POU1F1: variants seen among roughly 807,000 people sequenced by gnomAD.
POU1F1 encodes pituitary-specific positive transcription factor 1.
A neutral mutation model predicts 32.3 loss-of-function variants in POU1F1; 23 were observed. The ratio of observed to expected loss-of-function variants is 0.71; its 90% CI spans 0.51 to 1.01. POU1F1 has a LOEUF of 1.01. Among genes scored for constraint, POU1F1 ranks in the 50% least tolerant of loss-of-function variants. The probability of loss-of-function intolerance (pLI) is 0.00; values close to 1 mark genes in which losing one functional copy is unlikely to be tolerated. For synonymous variants in POU1F1, 120 were observed against 115.6 expected, an observed-to-expected ratio of 1.04 and a Z score of -0.25; for missense variants, 323 against 341.6, an observed-to-expected ratio of 0.95 and a Z score of 0.43.
At position 87,260,110 on chromosome 3, in the gene POU1F1, G is replaced by A. The variant is rs201995103; in HGVS notation, c.666-6C>T. The A allele has an allele frequency of 1.5e-4, 248 of 1,610,310 alleles. 1 individual carries two copies. The East Asian group carries it at 3.1e-3, about 20-fold the overall frequency. On this transcript the variant is annotated splice_region_variant and splice_polypyrimidine_tract_variant and intron_variant, in intron 5 of 5. Transcript: ENST00000350375. Reference sequence around the variant, plus strand: ...GAGCATCTTTAGCAGCAATGCTGGCGGGGGGTGGACATAGGGGGTGAAATT... The same window carrying A: ...GAGCATCTTTAGCAGCAATGCTGGCAGGGGGTGGACATAGGGGGTGAAATT...
At chr3:87,275,046 T>G (rs1706800347) in intron 1 of POU1F1, among the ~76,000 whole-genome samples, 1 of 151,960 alleles carries the variant, frequency 6.6e-6, no homozygotes, top group African/African-American at 2.4e-5. Flanking sequence ...ATTATTCTCA[T>G]TATTCTCAAT....
chr3:87,274,401 T>A (rs1254390217), intron 1 of POU1F1, among the ~76,000 whole-genome samples: 1 of 152,004 alleles, frequency 6.6e-6, no homozygotes. Context: ...TTAATTTTCA[T>A]AAATTAATTT....
chr3:87,274,724 C>G (rs1461206823), intron 1 of POU1F1, among the ~76,000 whole-genome samples: 2 of 151,228 alleles, frequency 1.3e-5, no homozygotes, highest in Non-Finnish European at 3.0e-5. Context: ...ATAATAGTTC[C>G]TTAGACAATT....
At chr3:87,266,721 G>T (rs1706628185) in intron 2 of POU1F1, among the ~76,000 whole-genome samples, 1 of 151,688 alleles carries the variant, frequency 6.6e-6, no homozygotes, top group African/African-American at 2.4e-5. Context: ...AATATTTATT[G>T]CCGTGGGGTT....
chr3:87,268,911 G>A (rs1464005375), intron 2 of POU1F1, among the ~76,000 whole-genome samples: 1 of 152,096 alleles, frequency 6.6e-6, no homozygotes, highest in Non-Finnish European at 1.5e-5. Flanking sequence ...CAGAGATAGG[G>A]ATGCCTTACT....
chr3:87,260,113 G>A lies in POU1F1; in HGVS notation c.666-9C>T. On this transcript the variant is annotated splice_polypyrimidine_tract_variant and intron_variant, in intron 5 of 5. Transcript: ENST00000350375. ...CATCTTTAGCAGCAATGCTGGCGGG[G>A]GGTGGACATAGGGGGTGAAATTTTG... 1 of 1,611,118 alleles carries A rather than the reference G, an allele frequency of 6.2e-7. No homozygotes were observed. Among genetic ancestry groups the A allele is most frequent in the African/African-American group, 1.3e-5 (1 of 74,932 alleles).
In POU1F1 at chr3:87,276,302, C is replaced by G. The variant is rs1208913291; in HGVS notation, c.142+19G>C. 7 of 1,612,228 alleles carry G rather than the reference C, an allele frequency of 4.3e-6. No individual in the cohort carries two copies. The highest frequency in any genetic ancestry group is 1.3e-5 in the African/African-American group (1 of 74,864). On this transcript the variant is annotated intron_variant, in intron 1 of 5. Transcript: ENST00000350375. ...ATATTTAGGCCCGGTCATATGTAAA[C>G]TGTCATAGGAGTCAGTACCTGTAGA...
intron 2 of POU1F1, among the ~76,000 whole-genome samples, chr3:87,268,830 A>G (rs1219055275): frequency 6.6e-6 from 1 of 152,160 alleles, no homozygotes; most frequent in Non-Finnish European, 1.5e-5. Flanking sequence ...CTAAATTGCT[A>G]TGTATGCATT....
At position 87,262,101 on chromosome 3, in the gene POU1F1, T is replaced by C; in HGVS notation, c.574A>G (p.Lys192Glu). 6.2e-7 allele frequency: 1 copy of C among 1,614,016 alleles called. No individual in the cohort carries two copies. Among genetic ancestry groups the C allele is most frequent in the East Asian group, 2.2e-5 (1 of 44,878 alleles). The change falls in exon 4 of 6, where the codon AAA (lysine) becomes GAA (glutamate). Residue 192 changes from lysine to glutamate, a missense_variant. By Grantham distance (56) the Lys-to-Glu change is moderately conservative (BLOSUM62 1). Transcript: ENST00000350375. Reference protein sequence around the residue: ...NACKLKAILSKWLEEAEQVGA... With the variant: ...NACKLKAILSEWLEEAEQVGA... ...ACTTGCTCAGCTTCCTCCAGCCATTTGGATAATATTGCTTTCAGTTTGCAT... is the reference window on the plus strand; with the variant it reads ...ACTTGCTCAGCTTCCTCCAGCCATTCGGATAATATTGCTTTCAGTTTGCAT...
intron 2 of POU1F1, among the ~76,000 whole-genome samples, chr3:87,273,145 G>A (rs903676663): frequency 6.6e-6 from 1 of 151,950 alleles, no homozygotes; most frequent in African/African-American, 2.4e-5. Flanking sequence ...TCAGAGATAC[G>A]TAAGTAGGGA....
At chr3:87,275,928 C>A (rs892846774) in intron 1 of POU1F1, among the ~76,000 whole-genome samples, 4 of 151,770 alleles carry the variant, frequency 2.6e-5, no homozygotes, top group Non-Finnish European at 5.9e-5. Context: ...ATTTAACAAC[C>A]GAATAAACCT....
chr3:87,263,331 T>G (rs1406477932), intron 3 of POU1F1, among the ~76,000 whole-genome samples: 2 of 152,152 alleles, frequency 1.3e-5, no homozygotes, highest in Non-Finnish European at 2.9e-5. Context: ...CTGTCTGATT[T>G]GCAAAGATCT....
rs1706466179 is a variant in POU1F1, at chr3:87,259,600, T to TC, written c.*293_*294insG. 2.8e-6 allele frequency: 1 copy of TC among 363,214 alleles called. No individual in the cohort carries two copies. The highest frequency in any genetic ancestry group is 2.1e-5 in the African/African-American group (1 of 47,066). The allele number at this position is 363,214 out of a possible 1,614,324, so 22.5% of individuals were successfully genotyped here. A position where few individuals can be genotyped will look rare whatever the true frequency, so the allele number is the denominator to read the frequency against. On this transcript the variant is annotated 3_prime_UTR_variant, in exon 6 of 6. Transcript: ENST00000350375. Reference sequence around the variant, plus strand: ...AGGAACTTATAAACCCATACTCATATGTCTGCGTGTGTGTGAGAAAGAGAG... The same window carrying TC: ...AGGAACTTATAAACCCATACTCATATCGTCTGCGTGTGTGTGAGAAAGAGAG...
intron 2 of POU1F1, among the ~76,000 whole-genome samples, chr3:87,270,943 C>A (rs1276293173): frequency 6.6e-6 from 1 of 151,984 alleles, no homozygotes; most frequent in Non-Finnish European, 1.5e-5. Context: ...TAAAGCATAT[C>A]ACATTTTAAC....
intron 4 of POU1F1, 102 bp downstream of exon 4, chr3:87,261,969 A>G: frequency 7.0e-7 from 1 of 1,419,910 alleles, no homozygotes; most frequent in African/African-American, 1.4e-5. Flanking sequence ...AAAAGGCGGA[A>G]AAAAACCCCT....
At chr3:87,264,029 A>G (rs1706564689) in intron 3 of POU1F1, among the ~76,000 whole-genome samples, 1 of 152,020 alleles carries the variant, frequency 6.6e-6, no homozygotes, top group Non-Finnish European at 1.5e-5. Flanking sequence ...TAAAATATAG[A>G]TAAAAATGGG....
At chr3:87,266,584 G>C (rs1270319353) in intron 2 of POU1F1, among the ~76,000 whole-genome samples, 1 of 151,338 alleles carries the variant, frequency 6.6e-6, no homozygotes, top group African/African-American at 2.4e-5. Context: ...AATTATCCAG[G>C]TTTACTTTTG....
At chr3:87,263,929 A>G (rs548889918) in intron 3 of POU1F1, among the ~76,000 whole-genome samples, 1 of 152,126 alleles carries the variant, frequency 6.6e-6, no homozygotes, top group Admixed American at 6.6e-5. Context: ...ACAACGATAT[A>G]CAGAAAAAGC....
At chr3:87,274,217 T>C (rs1048838560) in intron 1 of POU1F1, among the ~76,000 whole-genome samples, 2 of 152,172 alleles carry the variant, frequency 1.3e-5, no homozygotes, top group Non-Finnish European at 2.9e-5. Context: ...AATGGTTATA[T>C]GCTTCAGGAA....
Sources: allele counts gnomAD v4.1 joint callset (sites outside exome capture counted in the v4.1 genomes callset), GRCh38; gene constraint gnomAD v4.1.1; transcripts MANE v1.5; gene names NCBI Gene and HGNC (gene_info 2026-07-23, HGNC 2026-07-21).